The following SIGLEC12 variants were observed in gnomAD, a reference collection of about 807,000 sequenced individuals.
SIGLEC12 encodes sialic acid-binding Ig-like lectin 12.
A neutral mutation model predicts 54.1 loss-of-function variants in SIGLEC12; 43 were observed. The observed-to-expected ratio is 0.80, with a 90% CI of 0.62 to 1.03. The LOEUF (loss-of-function observed/expected upper bound fraction) is 1.03, where lower values mean the gene tolerates loss of function less well. Ranked by LOEUF, SIGLEC12 falls within the 50% of genes least tolerant of loss-of-function variation. The probability of loss-of-function intolerance (pLI) is 0.00; values close to 1 mark genes in which losing one functional copy is unlikely to be tolerated. For synonymous variants in SIGLEC12, 357 were observed against 307.6 expected, an observed-to-expected ratio of 1.16 and a Z score of -1.68; for missense variants, 802 against 735.2, an observed-to-expected ratio of 1.09 and a Z score of -1.05.
chr19:51,499,060 G>C (rs1304819328), intron 4 of SIGLEC12, 110 bp downstream of exon 4: 1 of 1,122,998 alleles, frequency 8.9e-7, no homozygotes, highest in African/African-American at 1.5e-5. Context: ...GAGGGAGGGG[G>C]GGGCCGGGGC....
chr19:51,491,887 G>A lies in SIGLEC12; in HGVS notation c.1600-58C>T, dbSNP rs934506464. 1.3e-4 allele frequency: 179 copies of A among 1,402,196 alleles called. No individual in the cohort carries two copies. The Middle Eastern group carries it at 4.5e-3, about 35-fold the overall frequency. 86.9% of individuals were successfully genotyped at this position (1,402,196 alleles called of 1,614,324 possible). A position where few individuals can be genotyped will look rare whatever the true frequency, so the allele number is the denominator to read the frequency against. On this transcript the variant is annotated intron_variant, in intron 7 of 7. Transcript: ENST00000291707. ...AGCAGTGGGGCCAGCATGCACCAGA[G>A]AGCATCCAGGAAGGAGGCCCAGGAG... is the stretch of plus-strand genomic sequence containing the variant.
Position 51,491,728 on chromosome 19 carries a change from G to A in SIGLEC12, c.1701C>T (p.Ser567=), listed in dbSNP as rs1239451149. The A allele has an allele frequency of 1.2e-6, 2 of 1,613,766 alleles. No homozygotes were observed. Among genetic ancestry groups the A allele is most frequent in the East Asian group, 2.2e-5 (1 of 44,864 alleles). Reference sequence around the variant, plus strand: ...GAGGCCTCGCTTTGTGGAAGCTGAGGGATGCATACTGGATCTCTCCTTCCT... The same window carrying A: ...GAGGCCTCGCTTTGTGGAAGCTGAGAGATGCATACTGGATCTCTCCTTCCT... The part of the protein sequence containing the change: ...SPEEGEIQYA[S]LSFHKARPQY... The change falls in exon 8 of 8, where the codon TCC becomes TCT. Residue 567 remains serine (S), a synonymous_variant. Transcript: ENST00000291707.
intron 7 of SIGLEC12, among the ~76,000 whole-genome samples, chr19:51,495,313 G>GTGGATGGA (rs61412717): frequency 0.012 from 737 of 60,482 alleles, 61 homozygotes; most frequent in East Asian, 0.028. Context: ...GGACGGGTGG[G>GTGGATGGA]TGGATGGATG....
rs1265822354 is a variant in SIGLEC12, at chr19:51,491,761, G to T, written c.1668C>A (p.Pro556=). ...ACTGGATCTCTCCTTCCTCTGGGGA[G>T]GGGGTGGCCAGGGCTGGCGGAGCAT... ...PHHAPPALAT[P]SPEEGEIQYA... The change falls in exon 8 of 8, where the codon CCC becomes CCA. Residue 556 remains proline, a synonymous_variant. Coordinates refer to ENST00000291707, the MANE Select transcript of SIGLEC12 (RefSeq NM_053003.4). 2 of 1,611,626 alleles carry T rather than the reference G, an allele frequency of 1.2e-6. No homozygotes were observed. The highest frequency in any genetic ancestry group is 2.7e-5 in the African/African-American group (2 of 74,924).
chr19:51,492,750 G>A lies in SIGLEC12; in HGVS notation c.1600-921C>T, dbSNP rs1228003050. Among the ~76,000 whole-genome samples the A allele has an allele frequency of 3.3e-5, 5 of 152,296 alleles. No homozygotes were observed. The East Asian group carries it at 9.6e-4, about 29-fold the overall frequency. On this transcript the variant is annotated intron_variant, in intron 7 of 7. Transcript: ENST00000291707. ...GGAATGCAGGTGCCTCTAGAAGCTG[G>A]AAAAGGTGAGAAAGCGCATCCTCCC...
intron 7 of SIGLEC12, 116 bp from the exon 8 acceptor site, chr19:51,491,945 C>A: frequency 1.4e-6 from 1 of 729,974 alleles, no homozygotes; most frequent in South Asian, 2.2e-5. Flanking sequence ...GTGCACTTTG[C>A]TGAAATCTCT....
Position 51,501,749 on chromosome 19 carries a change from T to C in SIGLEC12, c.-16A>G, listed in dbSNP as rs1599958677. ...GCAGTAGCATGTGTCGGGTTGGAGG[T>C]GCCAGGGTTGCTGAGGTAAGTCTGT... is the stretch of plus-strand genomic sequence containing the variant. On this transcript the variant is annotated 5_prime_UTR_variant, in exon 1 of 8. Coordinates refer to ENST00000291707, the MANE Select transcript of SIGLEC12 (RefSeq NM_053003.4). The C allele has an allele frequency of 6.3e-7, 1 of 1,580,622 alleles. No individual in the cohort carries two copies. The highest frequency in any genetic ancestry group is 2.3e-5 in the East Asian group (1 of 44,236).
In SIGLEC12 at chr19:51,491,807, G is replaced by C. The variant is rs764619170; in HGVS notation, c.1622C>G (p.Ala541Gly). The part of the protein sequence containing the change: ...ASQGPLIESP[A>G]DDSPPHHAPP... ...AGCATGGTGTGGGGGGCTGTCATCT[G>C]CCGGGGATTCAATCAGGGGTCCCTG... Residue 541 changes from alanine (A) to glycine (G), a missense_variant, in exon 8 of 8, where the codon GCA becomes GGA. Physicochemically the swap from Ala to Gly is moderately conservative, Grantham distance 60 (BLOSUM62 0). Transcript: ENST00000291707. The C allele has an allele frequency of 6.3e-7, 1 of 1,579,578 alleles. No individual in the cohort carries two copies. Among genetic ancestry groups the C allele is most frequent in the Middle Eastern group, 1.7e-4 (1 of 5,822 alleles).
rs144207303 is a variant in SIGLEC12 at position 51,501,565 on chromosome 19, C to T, written c.169G>A (p.Asp57Asn). Residue 57 changes from aspartate to asparagine, a missense_variant, in exon 1 of 8, where the codon GAT (aspartate) becomes AAT (asparagine). By Grantham distance (23) the Asp-to-Asn change is conservative. Coordinates refer to ENST00000291707, the MANE Select transcript of SIGLEC12 (RefSeq NM_053003.4). The part of the protein sequence containing the change: ...SYPQNGWTAS[D>N]PVHGYWFRAG... Reference sequence around the variant, plus strand: ...CGGAACCAGTAGCCATGAACTGGATCGGAGGCAGTCCAGCCATTTTGGGGG... The same window carrying T: ...CGGAACCAGTAGCCATGAACTGGATTGGAGGCAGTCCAGCCATTTTGGGGG... The T allele has an allele frequency of 4.4e-5, 71 of 1,613,818 alleles. No homozygotes were observed. The highest frequency in any genetic ancestry group is 1.9e-4 in the South Asian group (17 of 91,060).
intron 1 of SIGLEC12, 185 bp from the exon 2 acceptor site, chr19:51,500,485 C>A: frequency 9.9e-7 from 1 of 1,009,134 alleles, no homozygotes; most frequent in South Asian, 1.5e-5. Flanking sequence ...AGACCTCAGC[C>A]CTGCATGGAA....
intron 6 of SIGLEC12, 145 bp from the exon 7 acceptor site, chr19:51,497,121 T>C (rs1391260216): frequency 7.4e-7 from 1 of 1,345,064 alleles, no homozygotes; most frequent in Non-Finnish European, 1.0e-6. Context: ...GACCCCAATG[T>C]CGAAAACAGA....
intron 7 of SIGLEC12, among the ~76,000 whole-genome samples, chr19:51,493,891 A>G (rs954434426): frequency 2.0e-5 from 3 of 152,158 alleles, no homozygotes; most frequent in African/African-American, 7.2e-5. Context: ...ATAAAAGTTA[A>G]TCATGGTCTC....
chr19:51,492,194 T>A (rs1242213329), intron 7 of SIGLEC12, among the ~76,000 whole-genome samples: 1 of 152,190 alleles, frequency 6.6e-6, no homozygotes, highest in African/African-American at 2.4e-5. Context: ...CTCCTGTGTG[T>A]GAGTTCCTGG....
chr19:51,496,958 C>T lies in SIGLEC12; in HGVS notation c.1521G>A (p.Lys507=). ...IIFVVVRSCR[K]KSARPAVGVG... Reference sequence around the variant, plus strand: ...CGCCCACTGCTGGCCTTGCCGATTTCTTCCTGCAGGACCTCACTCTGAGTG... The same window carrying T: ...CGCCCACTGCTGGCCTTGCCGATTTTTTCCTGCAGGACCTCACTCTGAGTG... The change falls in exon 7 of 8, where the codon AAG becomes AAA. Residue 507 remains lysine, a synonymous_variant. Coordinates refer to ENST00000291707, the MANE Select transcript of SIGLEC12 (RefSeq NM_053003.4). 1 of 1,613,414 alleles carries T rather than the reference C, an allele frequency of 6.2e-7. No individual in the cohort carries two copies. The highest frequency in any genetic ancestry group is 8.5e-7 in the Non-Finnish European group (1 of 1,180,002).
intron 3 of SIGLEC12, 107 bp from the exon 4 acceptor site, chr19:51,499,324 AC>A: frequency 6.4e-7 from 1 of 1,567,910 alleles, no homozygotes; most frequent in Non-Finnish European, 8.7e-7. Flanking sequence ...CATCCTCCTG[AC>A]CCCCAACTCC....
In SIGLEC12 at chr19:51,497,445, C is replaced by T. The variant is rs1314924263; in HGVS notation, c.1406G>A (p.Gly469Asp). The change falls in exon 6 of 8, where the codon GGC (glycine) becomes GAC (aspartate). Residue 469 changes from glycine (G) to aspartate (D), a missense_variant and splice_region_variant. By Grantham distance (94) the Gly-to-Asp change is moderately conservative. Coordinates refer to ENST00000291707, the MANE Select transcript of SIGLEC12 (RefSeq NM_053003.4). ...LSLSLQNEYTGKMRPISGVTL... is the reference protein window; with the variant it reads ...LSLSLQNEYTDKMRPISGVTL... ...CACTCCTGATATAGGCCTCATTTTG[C>T]CTGAGGATGGATTGGAGTTGTTTTG... The T allele has an allele frequency of 1.9e-6, 3 of 1,608,798 alleles. No homozygotes were observed. The highest frequency in any genetic ancestry group is 2.6e-6 in the Non-Finnish European group (3 of 1,176,260).
intron 7 of SIGLEC12, among the ~76,000 whole-genome samples, chr19:51,494,118 T>G (rs1305318745): frequency 6.6e-6 from 1 of 152,176 alleles, no homozygotes; most frequent in Non-Finnish European, 1.5e-5. Context: ...TCACAGTCAG[T>G]GTCAGATCTG....
chr19:51,501,399 C>G lies in SIGLEC12; in HGVS notation c.335G>C (p.Arg112Thr), dbSNP rs763795187. Residue 112 changes from arginine to threonine, a missense_variant, in exon 1 of 8, where the codon AGA (arginine) becomes ACA (threonine). Physicochemically the swap from Arg to Thr is moderately conservative, Grantham distance 71 (BLOSUM62 -1). Coordinates refer to ENST00000291707, the MANE Select transcript of SIGLEC12 (RefSeq NM_053003.4). ...GACGTATGTCCCTGCATCACTCTCT[C>G]TGGTGTCTCTGATGCTCAGGGTACA... is the stretch of plus-strand genomic sequence containing the variant. ...KDCTLSIRDT[R>T]ESDAGTYVFC... 1 of 1,614,240 alleles carries G rather than the reference C, an allele frequency of 6.2e-7. No homozygotes were observed. Among genetic ancestry groups the G allele is most frequent in the Admixed American group, 1.7e-5 (1 of 60,032 alleles).
rs749618897 is a variant in SIGLEC12, at chr19:51,499,733, G to A, written c.809-17C>T. On this transcript the variant is annotated splice_polypyrimidine_tract_variant and intron_variant, in intron 2 of 7. Coordinates refer to ENST00000291707, the MANE Select transcript of SIGLEC12 (RefSeq NM_053003.4). ...GAGTCAGGGCTGGTGATGAAAGGGA[G>A]ACAGGCAAAATGAGGGTGTTGGGGT... The A allele has an allele frequency of 5.0e-6, 8 of 1,612,622 alleles. No individual in the cohort carries two copies. In the Admixed American group the frequency reaches 1.0e-4, roughly 20 times the overall value.
Sources: gnomAD v4.1 joint callset for allele counts (sites outside exome capture counted in the v4.1 genomes callset) on GRCh38, gnomAD v4.1.1 for gene constraint, MANE v1.5 for transcripts, NCBI Gene and HGNC (gene_info 2026-07-23, HGNC 2026-07-21) for gene names.